The following UST variants were observed in gnomAD, a reference collection of about 807,000 sequenced individuals.
UST encodes the protein chondroitin sulfate 2-O-sulfotransferase.
A neutral mutation model predicts 45.6 loss-of-function variants in UST; 21 were observed. The ratio of observed to expected loss-of-function variants is 0.46; its 90% CI spans 0.33 to 0.66. The LOEUF is 0.66. UST is among the 30% of genes least tolerant of loss of function. The pLI, the probability that UST is intolerant of heterozygous loss-of-function variation, is 0.02. For missense variants in UST, 463 were observed against 512.4 expected (o/e 0.90, Z 0.93); for synonymous variants, 215 against 200.6 (o/e 1.07, Z -0.61).
intron 2 of UST, among the ~76,000 whole-genome samples, chr6:148,923,328 A>G (rs1381470900): frequency 1.3e-5 from 2 of 152,154 alleles, no homozygotes; most frequent in Non-Finnish European, 2.9e-5. Context: ...TAGTAACTCT[A>G]TGTTTAGCTT....
chr6:148,927,069 A>G (rs1205723617), intron 2 of UST, among the ~76,000 whole-genome samples: 1 of 152,156 alleles, frequency 6.6e-6, no homozygotes, highest in Non-Finnish European at 1.5e-5. Flanking sequence ...TTACTGCTGG[A>G]GCATGGTAAG....
intron 7 of UST, among the ~76,000 whole-genome samples, chr6:149,043,021 T>TTTTCTTTTTCTTTC (rs1776345236): frequency 8.5e-6 from 1 of 118,224 alleles, no homozygotes. Flanking sequence ...CTTTCTTTCT[T>TTTTCTTTTTCTTTC]TTTCTTTCTT....
At chr6:148,925,165 A>G (rs9399676) in intron 2 of UST, among the ~76,000 whole-genome samples, 4,124 of 152,234 alleles carry the variant, frequency 0.027, 147 homozygotes, top group East Asian at 0.13. Context: ...TGTATGAGAG[A>G]AAAAGAAGGA....
chr6:148,919,481 A>G (rs1407312136), intron 2 of UST, among the ~76,000 whole-genome samples: 3 of 152,094 alleles, frequency 2.0e-5, no homozygotes, highest in African/African-American at 7.2e-5. Context: ...GTAGATGACT[A>G]TCAACACCTG....
intron 5 of UST, chr6:148,990,290 G>A (rs1040793288): frequency 4.8e-6 from 3 of 623,264 alleles, no homozygotes; most frequent in Non-Finnish European, 6.0e-6. Flanking sequence ...ATAATAAACA[G>A]GAACTGGTTT....
At chr6:149,067,247 T>C (rs1776744985) in intron 7 of UST, among the ~76,000 whole-genome samples, 1 of 152,278 alleles carries the variant, frequency 6.6e-6, no homozygotes, top group Middle Eastern at 3.4e-3. Context: ...TTTGATCTTC[T>C]CTGATTAATG....
chr6:148,794,696 C>T (rs1399539874), intron 1 of UST, among the ~76,000 whole-genome samples: 1 of 152,154 alleles, frequency 6.6e-6, no homozygotes, highest in Non-Finnish European at 1.5e-5. Context: ...GAAGTGGCTG[C>T]TTGTACAGAA....
At chr6:148,928,742 T>C (rs1233075207) in intron 2 of UST, among the ~76,000 whole-genome samples, 3 of 152,218 alleles carry the variant, frequency 2.0e-5, no homozygotes, top group South Asian at 2.1e-4. Flanking sequence ...GCCCCCAACA[T>C]GTAGGCAGTT....
At chr6:148,863,787 T>C (rs553181378) in intron 1 of UST, among the ~76,000 whole-genome samples, 1 of 152,340 alleles carries the variant, frequency 6.6e-6, no homozygotes, top group African/African-American at 2.4e-5. Context: ...CCTGTTTGCC[T>C]GGGTATCACC....
chr6:148,936,861 A>G (rs1214491825), intron 2 of UST, among the ~76,000 whole-genome samples: 1 of 151,824 alleles, frequency 6.6e-6, no homozygotes, highest in Non-Finnish European at 1.5e-5. Context: ...ACTCCTAGCT[A>G]ATTTTGTATT....
intron 1 of UST, among the ~76,000 whole-genome samples, chr6:148,820,645 TC>T (rs1777441128): frequency 6.6e-6 from 1 of 151,844 alleles, no homozygotes; most frequent in Non-Finnish European, 1.5e-5. Context: ...GGTCAGGAGA[TC>T]AAGACCATCC....
Position 148,785,179 on chromosome 6 carries a change from C to T in UST, c.247+37502C>T, listed in dbSNP as rs538765973. 1.3e-3 allele frequency among the ~76,000 whole-genome samples: 188 copies of T among 147,290 alleles called. 1 individual carries two copies. The highest frequency in any genetic ancestry group is 4.5e-3 in the African/African-American group (180 of 39,728). ...CTGAGCCACTGCACTGCAGCCTGGGCGACAGAGCAAGACTCCATCTTAAAA... is the reference window on the plus strand; with the variant it reads ...CTGAGCCACTGCACTGCAGCCTGGGTGACAGAGCAAGACTCCATCTTAAAA... On this transcript the variant is annotated intron_variant, in intron 1 of 7. Coordinates refer to ENST00000367463, the MANE Select transcript of UST (RefSeq NM_005715.3).
chr6:149,074,384 C>G lies in UST; in HGVS notation c.*268C>G. 2.2e-6 allele frequency: 1 copy of G among 463,310 alleles called. No homozygotes were observed. The highest frequency in any genetic ancestry group is 5.8e-4 in the Middle Eastern group (1 of 1,728). 28.7% of individuals were successfully genotyped at this position (463,310 alleles called of 1,614,324 possible). On this transcript the variant is annotated 3_prime_UTR_variant, in exon 8 of 8. Transcript: ENST00000367463. The stretch of plus-strand genomic sequence containing the variant: ...ATCTTGTCATAAAACAGCTTTCCCC[C>G]ACCCCATATCATGGGAAAAGGGGGA...
chr6:148,802,442 C>T lies in UST; in HGVS notation c.247+54765C>T, dbSNP rs144191302. Reference sequence around the variant, plus strand: ...TGTATATGTAAGTTTATTTAAGGCTCAATGGAGCAAGACTTTGATGGATCT... The same window carrying T: ...TGTATATGTAAGTTTATTTAAGGCTTAATGGAGCAAGACTTTGATGGATCT... On this transcript the variant is annotated intron_variant, in intron 1 of 7. Transcript: ENST00000367463. Among the ~76,000 whole-genome samples the T allele has an allele frequency of 5.3e-5, 8 of 152,276 alleles. No individual in the cohort carries two copies. In the East Asian group the frequency reaches 1.2e-3, roughly 22 times the overall value.
intron 2 of UST, among the ~76,000 whole-genome samples, chr6:148,888,606 A>T (rs191995289): frequency 6.6e-6 from 1 of 152,324 alleles, no homozygotes; most frequent in African/African-American, 2.4e-5. Context: ...GAATGAGCTG[A>T]TGTATGATGA....
At chr6:149,043,030 TTTCTTTCTTTCTTTCC>T (rs1195455597) in intron 7 of UST, among the ~76,000 whole-genome samples, 2,221 of 116,268 alleles carry the variant, frequency 0.019, 67 homozygotes, top group African/African-American at 0.074. Context: ...TTTTTCTTTC[TTTCTTTCTTTCTTTCC>T]TTCTTTCCTT....
intron 3 of UST, among the ~76,000 whole-genome samples, chr6:148,950,070 CCTT>C (rs1780335820): frequency 6.6e-6 from 1 of 152,212 alleles, no homozygotes; most frequent in Non-Finnish European, 1.5e-5. Context: ...GTAGTCACCT[CCTT>C]AACCCTCCCG....
chr6:148,828,784 A>G (rs903042039), intron 1 of UST, among the ~76,000 whole-genome samples: 3 of 152,254 alleles, frequency 2.0e-5, no homozygotes, highest in African/African-American at 7.2e-5. Flanking sequence ...CCTACTAAGT[A>G]TCAGACACTT....
At chr6:148,787,746 T>C (rs1399604779) in intron 1 of UST, among the ~76,000 whole-genome samples, 1 of 152,224 alleles carries the variant, frequency 6.6e-6, no homozygotes, top group African/African-American at 2.4e-5. Flanking sequence ...GGCAGTTTAA[T>C]GGGAATAGCA....
Sources: allele counts gnomAD v4.1 joint callset (sites outside exome capture counted in the v4.1 genomes callset), GRCh38; gene constraint gnomAD v4.1.1; transcripts MANE v1.5; gene names NCBI Gene and HGNC (gene_info 2026-07-23, HGNC 2026-07-21).